The following AP1S3 variants were observed in gnomAD, a reference collection of about 807,000 sequenced individuals.
The protein encoded by AP1S3 is AP-1 complex subunit sigma-3.
AP1S3 carries 10 observed loss-of-function variants against 20.9 expected under a neutral mutation model. The ratio of observed to expected loss-of-function variants is 0.48; its 90% confidence interval spans 0.29 to 0.81. AP1S3 has a LOEUF of 0.81. Ranked by LOEUF, AP1S3 falls within the 30% of genes least tolerant of loss-of-function variation. The pLI, the probability that AP1S3 is intolerant of heterozygous loss-of-function variation, is 0.08. For missense variants in AP1S3, 154 were observed against 183.8 expected, an observed-to-expected ratio of 0.84 and a Z score of 0.94; for synonymous variants, 41 against 61.5, an observed-to-expected ratio of 0.67 and a Z score of 1.56.
intron 1 of AP1S3, among the ~76,000 whole-genome samples, chr2:223,807,867 CTTT>C (rs138805104): frequency 9.0e-4 from 39 of 43,228 alleles, no homozygotes; most frequent in South Asian, 1.3e-3. Flanking sequence ...CATTTCTTTT[CTTT>C]TTTTTTTTTT....
intron 1 of AP1S3, among the ~76,000 whole-genome samples, chr2:223,782,731 CAACAAATAG>C (rs1234256513): frequency 3.3e-5 from 5 of 152,186 alleles, no homozygotes; most frequent in African/African-American, 1.2e-4. Context: ...TCAAAAACAG[CAACAAATAG>C]ATTCAAGCTT....
chr2:223,769,673 TAAGA>T (rs1690562664), intron 3 of AP1S3, among the ~76,000 whole-genome samples: 1 of 151,128 alleles, frequency 6.6e-6, no homozygotes. Flanking sequence ...GCAAGAGCTC[TAAGA>T]TAGACTTGTA....
chr2:223,803,186 C>A (rs1691505356), intron 1 of AP1S3, among the ~76,000 whole-genome samples: 1 of 152,142 alleles, frequency 6.6e-6, no homozygotes, highest in Admixed American at 6.6e-5. Context: ...TGAAGGCAAT[C>A]CACCCCAGCT....
intron 3 of AP1S3, among the ~76,000 whole-genome samples, chr2:223,769,671 T>G (rs1430082727): frequency 6.6e-6 from 1 of 151,442 alleles, no homozygotes; most frequent in Non-Finnish European, 1.5e-5. Flanking sequence ...TGGCAAGAGC[T>G]CTAAGATAGA....
chr2:223,782,131 C>A (rs1050944148), intron 1 of AP1S3, among the ~76,000 whole-genome samples: 5 of 151,738 alleles, frequency 3.3e-5, no homozygotes, highest in Non-Finnish European at 7.4e-5. Flanking sequence ...CCTGCCTCAG[C>A]CCCCTGGAGT....
intron 1 of AP1S3, among the ~76,000 whole-genome samples, chr2:223,833,607 T>C (rs1266676149): frequency 6.6e-6 from 1 of 152,156 alleles, no homozygotes; most frequent in Non-Finnish European, 1.5e-5. Flanking sequence ...ATCTACCAGT[T>C]TCCTAGCATA....
intron 1 of AP1S3, among the ~76,000 whole-genome samples, chr2:223,833,305 T>C (rs944686389): frequency 1.3e-5 from 2 of 151,034 alleles, no homozygotes; most frequent in African/African-American, 2.5e-5. Context: ...TCCTCCTTCA[T>C]TGCCAACCAT....
Position 223,755,755 on chromosome 2 carries a change from T to C in AP1S3, c.*2960A>G. On this transcript the variant is annotated 3_prime_UTR_variant, in exon 5 of 5. Coordinates refer to ENST00000396654, the MANE Select transcript of AP1S3 (RefSeq NM_001039569.2). ...CATGTTGGCCAGGCTGGTCTCGAAC[T>C]CCTGACCTCAGGTGATCTGCCGCCT... The C allele has an allele frequency of 1.3e-6, 1 of 795,184 alleles. No homozygotes were observed. The highest frequency in any genetic ancestry group is 1.5e-6 in the Non-Finnish European group (1 of 656,628). 49.3% of individuals were successfully genotyped at this position (795,184 alleles called of 1,614,324 possible).
chr2:223,770,610 C>T (rs1423182487), intron 3 of AP1S3, among the ~76,000 whole-genome samples: 1 of 151,594 alleles, frequency 6.6e-6, no homozygotes, highest in Non-Finnish European at 1.5e-5. Context: ...GAGAATGTTA[C>T]AACTGAGCAA....
intron 1 of AP1S3, among the ~76,000 whole-genome samples, chr2:223,798,538 C>T (rs1691397315): frequency 6.6e-6 from 1 of 152,218 alleles, no homozygotes; most frequent in Non-Finnish European, 1.5e-5. Context: ...TAAGTAGCCA[C>T]TTACGTGAAA....
intron 3 of AP1S3, among the ~76,000 whole-genome samples, chr2:223,771,351 A>T (rs1045817307): frequency 2.0e-5 from 3 of 152,046 alleles, no homozygotes; most frequent in Non-Finnish European, 4.4e-5. Context: ...AAAAGAAACA[A>T]AATAAAATAA....
At chr2:223,790,308 T>C (rs945641393) in intron 1 of AP1S3, among the ~76,000 whole-genome samples, 1 of 150,822 alleles carries the variant, frequency 6.6e-6, no homozygotes, top group African/African-American at 2.4e-5. Flanking sequence ...CTCAGCTCAC[T>C]GCAACCTTTG....
Position 223,770,422 on chromosome 2 carries a change from T to C in AP1S3, c.292-5072A>G, listed in dbSNP as rs1690591088. ...CCAGGTCTGGGTCCTCCAGCAGCCATGGGGCAATTAATTTACTGTACTAGT... is the reference window on the plus strand; with the variant it reads ...CCAGGTCTGGGTCCTCCAGCAGCCACGGGGCAATTAATTTACTGTACTAGT... On this transcript the variant is annotated intron_variant, in intron 3 of 4. Coordinates refer to ENST00000396654, the MANE Select transcript of AP1S3 (RefSeq NM_001039569.2). 6.0e-6 allele frequency: 9 copies of C among 1,506,636 alleles called. No individual in the cohort carries two copies. The South Asian group carries it at 1.0e-4, about 17-fold the overall frequency. The allele number at this position is 1,506,636 out of a possible 1,614,324, so 93.3% of individuals were successfully genotyped here. A position where few individuals can be genotyped will look rare whatever the true frequency, so the allele number is the denominator to read the frequency against.
intron 1 of AP1S3, among the ~76,000 whole-genome samples, chr2:223,787,506 A>G (rs1691103658): frequency 6.6e-6 from 1 of 152,220 alleles, no homozygotes; most frequent in African/African-American, 2.4e-5. Flanking sequence ...AAATGAGATG[A>G]AAGATTTAGC....
chr2:223,782,301 C>T (rs761765451), intron 1 of AP1S3, among the ~76,000 whole-genome samples: 2 of 152,222 alleles, frequency 1.3e-5, no homozygotes, highest in Non-Finnish European at 2.9e-5. Flanking sequence ...GTGTAAGCCA[C>T]TGTGCCTGGC....
chr2:223,820,964 A>T (rs1691973769), intron 1 of AP1S3, among the ~76,000 whole-genome samples: 1 of 152,106 alleles, frequency 6.6e-6, no homozygotes, highest in Non-Finnish European at 1.5e-5. Flanking sequence ...AGTCTCTAAC[A>T]TACTTTCAGG....
chr2:223,794,023 T>C (rs1691277941), intron 1 of AP1S3, among the ~76,000 whole-genome samples: 1 of 152,214 alleles, frequency 6.6e-6, no homozygotes, highest in South Asian at 2.1e-4. Flanking sequence ...TTACTACATA[T>C]GCTCCTCAGC....
chr2:223,791,885 C>T (rs991373513), intron 1 of AP1S3, among the ~76,000 whole-genome samples: 3 of 152,068 alleles, frequency 2.0e-5, no homozygotes, highest in African/African-American at 7.2e-5. Flanking sequence ...TGTTGGTGAA[C>T]AACAGGCAAG....
chr2:223,765,159 C>CCATCATCATCAT (rs10644138), intron 4 of AP1S3, 54 bp downstream of exon 4: 45 of 1,560,380 alleles, frequency 2.9e-5, no homozygotes, highest in African/African-American at 7.0e-5. Flanking sequence ...ATTATTAACA[C>CCATCATCATCAT]CATCATCATC....
Sources: gnomAD v4.1 joint callset for allele counts (sites outside exome capture counted in the v4.1 genomes callset) on GRCh38, gnomAD v4.1.1 for gene constraint, MANE v1.5 for transcripts, NCBI Gene and HGNC (gene_info 2026-07-23, HGNC 2026-07-21) for gene names.